Variants in PAFAH1B2 observed in about 807,000 individuals in gnomAD.
PAFAH1B2 encodes platelet-activating factor acetylhydrolase IB subunit alpha2.
A neutral mutation model predicts 28.0 loss-of-function variants in PAFAH1B2; 8 were observed. The ratio of observed to expected loss-of-function variants is 0.29; its 90% CI spans 0.17 to 0.52. The LOEUF (loss-of-function observed/expected upper bound fraction) is 0.52. PAFAH1B2 is among the 20% of genes least tolerant of loss of function. The pLI, the probability that PAFAH1B2 is intolerant of heterozygous loss-of-function variation, is 0.97. For missense variants in PAFAH1B2, 190 were observed against 282.6 expected (o/e 0.67, Z 2.35); for synonymous variants, 104 against 103.2 (o/e 1.01, Z -0.05).
At chr11:117,164,406 C>A (rs371365165) in intron 5 of PAFAH1B2, among the ~76,000 whole-genome samples, 13 of 149,182 alleles carry the variant, frequency 8.7e-5, no homozygotes, top group Non-Finnish European at 8.9e-5. Context: ...GACTCCGTCT[C>A]AAAAAAAAAA....
downstream of PAFAH1B2, chr11:117,171,829 C>A: frequency 2.8e-6 from 3 of 1,069,918 alleles, no homozygotes; most frequent in Admixed American, 2.1e-5. Context: ...CACTGTTCAC[C>A]TCAGTGGTAT....
Position 117,144,324 on chromosome 11 carries a change from C to A in PAFAH1B2, c.-102C>A. On this transcript the variant is annotated 5_prime_UTR_variant, in exon 1 of 6. Coordinates refer to ENST00000527958, the MANE Select transcript of PAFAH1B2 (RefSeq NM_002572.4). The stretch of plus-strand genomic sequence containing the variant: ...GCTGGTGCTGGGGCCGGAGGAGGGA[C>A]GCGCCGGAGCGGGACCGACGGGACC... The A allele has an allele frequency of 2.5e-6, 1 of 402,630 alleles. No individual in the cohort carries two copies. The highest frequency in any genetic ancestry group is 5.1e-6 in the Non-Finnish European group (1 of 196,602). 24.9% of individuals were successfully genotyped at this position (402,630 alleles called of 1,614,324 possible).
At chr11:117,148,876 T>C (rs967938752) in intron 1 of PAFAH1B2, among the ~76,000 whole-genome samples, 2 of 151,928 alleles carry the variant, frequency 1.3e-5, no homozygotes, top group African/African-American at 4.8e-5. Flanking sequence ...TCTCAGAACA[T>C]TTATTTACTT....
At chr11:117,152,148 A>G (rs1956165859) in intron 1 of PAFAH1B2, among the ~76,000 whole-genome samples, 1 of 152,202 alleles carries the variant, frequency 6.6e-6, no homozygotes, top group Non-Finnish European at 1.5e-5. Context: ...AATCACAAAA[A>G]ACTAATATAG....
At chr11:117,165,595 T>A (rs1172218825) in intron 5 of PAFAH1B2, among the ~76,000 whole-genome samples, 2 of 152,166 alleles carry the variant, frequency 1.3e-5, no homozygotes, top group Non-Finnish European at 2.9e-5. Context: ...AACACAGAAT[T>A]ATTATACTGT....
chr11:117,159,048 A>G (rs966406471), intron 2 of PAFAH1B2, among the ~76,000 whole-genome samples: 2 of 152,230 alleles, frequency 1.3e-5, no homozygotes, highest in African/African-American at 4.8e-5. Context: ...AAACATGCAC[A>G]CATACATAGA....
chr11:117,169,358 A>C lies in PAFAH1B2; in HGVS notation c.*1659A>C. 9.5e-7 allele frequency: 1 copy of C among 1,050,688 alleles called. No individual in the cohort carries two copies. The highest frequency in any genetic ancestry group is 1.1e-6 in the Non-Finnish European group (1 of 870,150). The allele number at this position is 1,050,688 out of a possible 1,614,324, so 65.1% of individuals were successfully genotyped here. On this transcript the variant is annotated 3_prime_UTR_variant, in exon 6 of 6. Coordinates refer to ENST00000527958, the MANE Select transcript of PAFAH1B2 (RefSeq NM_002572.4). ...TACCTGTGGAATATGTACAAACTGG[A>C]TCTATAGATATTTTGAACTGGACCA...
chr11:117,168,128 T>A lies in PAFAH1B2; in HGVS notation c.*429T>A, dbSNP rs529246436. On this transcript the variant is annotated 3_prime_UTR_variant, in exon 6 of 6. Coordinates refer to ENST00000527958, the MANE Select transcript of PAFAH1B2 (RefSeq NM_002572.4). Reference sequence around the variant, plus strand: ...CATGTTTTCTCCAATTTTTTTAAGGTTCATAATTTAGCCTTTTGTTTTTAT... The same window carrying A: ...CATGTTTTCTCCAATTTTTTTAAGGATCATAATTTAGCCTTTTGTTTTTAT... 5.9e-5 allele frequency: 62 copies of A among 1,053,372 alleles called. No homozygotes were observed. The African/African-American group carries it at 8.9e-4, about 15-fold the overall frequency. The allele number at this position is 1,053,372 out of a possible 1,614,324, so 65.3% of individuals were successfully genotyped here.
intron 1 of PAFAH1B2, among the ~76,000 whole-genome samples, chr11:117,144,933 T>A (rs1955962205): frequency 6.6e-6 from 1 of 152,186 alleles, no homozygotes; most frequent in East Asian, 1.9e-4. Flanking sequence ...AGTTACTCCG[T>A]TGTGTTTTTA....
At position 117,168,076 on chromosome 11, in the gene PAFAH1B2, T is replaced by C. The variant is rs1956553413; in HGVS notation, c.*377T>C. ...TGGATTATGTCATATATAATAATTA[T>C]CAGAATCATTCTACTTGGCTTTAAA... On this transcript the variant is annotated 3_prime_UTR_variant, in exon 6 of 6. Coordinates refer to ENST00000527958, the MANE Select transcript of PAFAH1B2 (RefSeq NM_002572.4). 13 of 1,057,200 alleles carry C rather than the reference T, an allele frequency of 1.2e-5. No homozygotes were observed. Among genetic ancestry groups the C allele is most frequent in the Non-Finnish European group, 1.5e-5 (13 of 873,140 alleles). The allele number at this position is 1,057,200 out of a possible 1,614,324, so 65.5% of individuals were successfully genotyped here.
downstream of PAFAH1B2, among the ~76,000 whole-genome samples, chr11:117,177,651 C>T (rs117680585): frequency 0.033 from 4,986 of 152,356 alleles, 120 homozygotes; most frequent in Non-Finnish European, 0.051. Context: ...TCTCCTGCTT[C>T]AGCCTCCCCA....
intron 5 of PAFAH1B2, among the ~76,000 whole-genome samples, chr11:117,165,976 C>T (rs1001303411): frequency 1.3e-5 from 2 of 152,074 alleles, no homozygotes; most frequent in African/African-American, 4.8e-5. Context: ...GTAGCTGGAA[C>T]TACAGGTGCA....
At position 117,168,811 on chromosome 11, in the gene PAFAH1B2, G is replaced by C; in HGVS notation, c.*1112G>C. The C allele has an allele frequency of 2.2e-6, 2 of 924,744 alleles. No homozygotes were observed. The highest frequency in any genetic ancestry group is 2.6e-6 in the Non-Finnish European group (2 of 759,394). The allele number at this position is 924,744 out of a possible 1,614,324, so 57.3% of individuals were successfully genotyped here. ...AGTTGTTTTTTGTTTTGTTTTGTTTGAGATGGAGTTTCACTGTTGCCCAGG... is the reference window on the plus strand; with the variant it reads ...AGTTGTTTTTTGTTTTGTTTTGTTTCAGATGGAGTTTCACTGTTGCCCAGG... On this transcript the variant is annotated 3_prime_UTR_variant, in exon 6 of 6. Coordinates refer to ENST00000527958, the MANE Select transcript of PAFAH1B2 (RefSeq NM_002572.4).
Position 117,170,667 on chromosome 11 carries a change from A to AT in PAFAH1B2, c.*2975dup, listed in dbSNP as rs796985142. 24 of 1,019,260 alleles carry AT rather than the reference A, an allele frequency of 2.4e-5. 1 individual carries two copies. In the African/African-American group the frequency reaches 3.9e-4, roughly 16 times the overall value. 63.1% of individuals were successfully genotyped at this position (1,019,260 alleles called of 1,614,324 possible). On this transcript the variant is annotated 3_prime_UTR_variant, in exon 6 of 6. Coordinates refer to ENST00000527958, the MANE Select transcript of PAFAH1B2 (RefSeq NM_002572.4). ...AAAAAAGTCCAACTTACTTTATTTT[A>AT]TTTTTTTAACCTAGTCACTGTTTAC... is the stretch of plus-strand genomic sequence containing the variant.
downstream of PAFAH1B2, among the ~76,000 whole-genome samples, chr11:117,172,377 T>TTTTTTAC (rs1956678035): frequency 4.0e-4 from 1 of 2,510 alleles, no homozygotes; most frequent in Non-Finnish European, 9.8e-4. Flanking sequence ...TATATATATA[T>TTTTTTAC]ATATATATAT....
At chr11:117,147,919 C>T (rs1956051745) in intron 1 of PAFAH1B2, among the ~76,000 whole-genome samples, 1 of 152,016 alleles carries the variant, frequency 6.6e-6, no homozygotes, top group South Asian at 2.1e-4. Flanking sequence ...TTTTTATTTT[C>T]CCATGAAGAA....
intron 1 of PAFAH1B2, among the ~76,000 whole-genome samples, chr11:117,145,757 A>G (rs922369610): frequency 1.3e-5 from 2 of 152,200 alleles, no homozygotes; most frequent in African/African-American, 4.8e-5. Context: ...CTTAGGTCTG[A>G]GTGGAAACTC....
chr11:117,158,089 G>A (rs947327347), intron 2 of PAFAH1B2, among the ~76,000 whole-genome samples: 4 of 152,186 alleles, frequency 2.6e-5, no homozygotes, highest in African/African-American at 9.6e-5. Context: ...AGTGAGCTAA[G>A]ATCGCGCCAC....
intron 2 of PAFAH1B2, among the ~76,000 whole-genome samples, chr11:117,158,199 C>CTTTT (rs755464271): frequency 2.0e-5 from 3 of 151,976 alleles, no homozygotes; most frequent in Non-Finnish European, 4.4e-5. Flanking sequence ...AATTTGTTTT[C>CTTTT]TTTTTTCTTT....
Sources: gnomAD v4.1 joint callset for allele counts (sites outside exome capture counted in the v4.1 genomes callset) on GRCh38, gnomAD v4.1.1 for gene constraint, MANE v1.5 for transcripts, NCBI Gene and HGNC (gene_info 2026-07-23, HGNC 2026-07-21) for gene names.